The following WWOX variants were observed in gnomAD, a reference collection of about 807,000 sequenced individuals.
WWOX encodes the protein WW domain-containing oxidoreductase.
WWOX carries 69 observed loss-of-function variants against 46.2 expected under a neutral mutation model. That is an observed-to-expected ratio of 1.49 (90% CI 1.23 to 1.82). The LOEUF is 1.82. Among genes scored for constraint, WWOX ranks in the 40% most tolerant of loss-of-function variants. The pLI is 0.00. For synonymous variants in WWOX, 359 were observed against 202.6 expected, an observed-to-expected ratio of 1.77 and a Z score of -6.56; for missense variants, 919 against 542.6, an observed-to-expected ratio of 1.69 and a Z score of -6.89.
At chr16:78,269,992 C>A (rs1030295380) in intron 5 of WWOX, among the ~76,000 whole-genome samples, 1 of 127,682 alleles carries the variant, frequency 7.8e-6, no homozygotes, top group Non-Finnish European at 1.6e-5. Flanking sequence ...AAATTGGTTT[C>A]TGTTTTTAAC....
chr16:78,384,538 C>A (rs760378088), intron 5 of WWOX, among the ~76,000 whole-genome samples: 1 of 152,138 alleles, frequency 6.6e-6, no homozygotes, highest in Non-Finnish European at 1.5e-5. Context: ...CACCACATGC[C>A]TTCAATATTC....
At chr16:78,916,769 C>T (rs1026294461) in intron 8 of WWOX, among the ~76,000 whole-genome samples, 10 of 152,122 alleles carry the variant, frequency 6.6e-5, no homozygotes, top group Non-Finnish European at 8.8e-5. Flanking sequence ...AAAGTTTATC[C>T]AATTGTTACA....
rs759234446 is a variant in WWOX at position 78,769,435 on chromosome 16, C to G, written c.1056+336683C>G. ...CACATGTTGTAGCCATTGGGGACAT[C>G]GTGGTAAACAAAGCAAAGTCCTTGC... On this transcript the variant is annotated intron_variant, in intron 8 of 8. Coordinates refer to ENST00000566780, the MANE Select transcript of WWOX (RefSeq NM_016373.4). 1.1e-4 allele frequency among the ~76,000 whole-genome samples: 17 copies of G among 152,050 alleles called. 1 individual carries two copies. Among genetic ancestry groups the G allele is most frequent in the Non-Finnish European group, 1.6e-4 (11 of 68,032 alleles).
intron 8 of WWOX, among the ~76,000 whole-genome samples, chr16:78,869,851 C>G (rs1319335823): frequency 6.6e-6 from 1 of 152,218 alleles, no homozygotes; most frequent in Non-Finnish European, 1.5e-5. Context: ...GTATGTTTAT[C>G]TCCCTTTTAC....
At chr16:79,069,874 T>A (rs562623930) in intron 8 of WWOX, among the ~76,000 whole-genome samples, 1 of 152,180 alleles carries the variant, frequency 6.6e-6, no homozygotes, top group Non-Finnish European at 1.5e-5. Context: ...CCAAATTGAC[T>A]CATTGAAAAA....
At position 79,042,132 on chromosome 16, in the gene WWOX, C is replaced by T. The variant is rs112353178; in HGVS notation, c.1057-169476C>T. Among the ~76,000 whole-genome samples, 63 of 152,274 alleles carry T rather than the reference C, an allele frequency of 4.1e-4. 1 individual carries two copies. Among genetic ancestry groups the T allele is most frequent in the African/African-American group, 1.5e-3 (62 of 41,566 alleles). On this transcript the variant is annotated intron_variant, in intron 8 of 8. Transcript: ENST00000566780. Reference sequence around the variant, plus strand: ...TGGTTAACCTGCACCCACGTTCCCCCGCCTGTCTCTGAAGTATTCACAGGT... The same window carrying T: ...TGGTTAACCTGCACCCACGTTCCCCTGCCTGTCTCTGAAGTATTCACAGGT...
At chr16:78,996,263 C>G in intron 8 of WWOX, 2 of 984,282 alleles carry the variant, frequency 2.0e-6, no homozygotes, top group Non-Finnish European at 1.2e-6. Context: ...TGAGCCAGAC[C>G]CCTTTTCAGC....
At chr16:79,088,779 A>T (rs1447641907) in intron 8 of WWOX, among the ~76,000 whole-genome samples, 1 of 152,146 alleles carries the variant, frequency 6.6e-6, no homozygotes, top group Admixed American at 6.5e-5. Flanking sequence ...TGCTTTAGAT[A>T]TACTGCAGAT....
chr16:78,768,297 A>AAAAAAAAAC, intron 8 of WWOX, among the ~76,000 whole-genome samples: 1 of 150,908 alleles, frequency 6.6e-6, no homozygotes, highest in Non-Finnish European at 1.5e-5. Flanking sequence ...AAAAAAAAAA[A>AAAAAAAAAC]AAAGTTGCCT....
At chr16:78,625,430 C>G (rs1404714268) in intron 8 of WWOX, among the ~76,000 whole-genome samples, 1 of 152,156 alleles carries the variant, frequency 6.6e-6, no homozygotes, top group Non-Finnish European at 1.5e-5. Flanking sequence ...TTTCTATATG[C>G]TGTTGTTTAA....
At chr16:78,993,186 A>T (rs908553527) in intron 8 of WWOX, among the ~76,000 whole-genome samples, 2 of 152,090 alleles carry the variant, frequency 1.3e-5, no homozygotes, top group African/African-American at 2.4e-5. Flanking sequence ...AACTTGTAGC[A>T]ATGAGTTTCT....
At chr16:78,940,674 C>CT (rs61366482) in intron 8 of WWOX, among the ~76,000 whole-genome samples, 96,973 of 138,540 alleles carry the variant, frequency 0.7, 33,731 homozygotes, top group African/African-American at 0.73. Context: ...CTTAGGTTAA[C>CT]TTTTTTTTTT....
intron 4 of WWOX, among the ~76,000 whole-genome samples, chr16:78,153,942 A>T (rs2034507446): frequency 6.6e-6 from 1 of 152,118 alleles, no homozygotes; most frequent in South Asian, 2.1e-4. Context: ...TTGAGGGGAC[A>T]GGGTTCCCAC....
At position 78,231,149 on chromosome 16, in the gene WWOX, T is replaced by G. The variant is rs1263737576; in HGVS notation, c.516+66860T>G. On this transcript the variant is annotated intron_variant, in intron 5 of 8. Coordinates refer to ENST00000566780, the MANE Select transcript of WWOX (RefSeq NM_016373.4). Reference sequence around the variant, plus strand: ...GGTTTTGCTTCAGACTTAGTTTAGTTTTGTTTTTTAAGGGCTGGGGTGGAG... The same window carrying G: ...GGTTTTGCTTCAGACTTAGTTTAGTGTTGTTTTTTAAGGGCTGGGGTGGAG... Among the ~76,000 whole-genome samples the G allele has an allele frequency of 9.8e-5, 15 of 152,342 alleles. No homozygotes were observed. In the East Asian group the frequency reaches 2.9e-3, roughly 29 times the overall value.
intron 5 of WWOX, among the ~76,000 whole-genome samples, chr16:78,287,644 C>G (rs866234595): frequency 6.6e-6 from 1 of 152,076 alleles, no homozygotes; most frequent in Non-Finnish European, 1.5e-5. Context: ...TAACAAGGGA[C>G]TGGCTCAATC....
At chr16:79,127,039 T>G (rs1399816169) in intron 8 of WWOX, among the ~76,000 whole-genome samples, 1 of 152,046 alleles carries the variant, frequency 6.6e-6, no homozygotes, top group Non-Finnish European at 1.5e-5. Context: ...TTTTTTAAAT[T>G]AGGATTAAAA....
At chr16:78,179,064 C>T (rs1287257808) in intron 5 of WWOX, among the ~76,000 whole-genome samples, 1 of 152,034 alleles carries the variant, frequency 6.6e-6, no homozygotes, top group African/African-American at 2.4e-5. Flanking sequence ...GTGGAGTCAC[C>T]ATTTGTGGCA....
At chr16:78,781,370 A>G (rs9937734) in intron 8 of WWOX, among the ~76,000 whole-genome samples, 58,789 of 151,940 alleles carry the variant, frequency 0.39, 12,172 homozygotes, top group Middle Eastern at 0.54. Flanking sequence ...CCACCTTGCT[A>G]TCCACCACTG....
intron 8 of WWOX, among the ~76,000 whole-genome samples, chr16:79,038,535 T>G (rs1234598565): frequency 6.6e-6 from 1 of 152,184 alleles, no homozygotes; most frequent in Non-Finnish European, 1.5e-5. Context: ...TATCAGAGTT[T>G]TCTGACAAAG....
Sources: allele counts gnomAD v4.1 joint callset (sites outside exome capture counted in the v4.1 genomes callset), GRCh38; gene constraint gnomAD v4.1.1; transcripts MANE v1.5; gene names NCBI Gene and HGNC (gene_info 2026-07-23, HGNC 2026-07-21).